SCAMP1: variants seen among roughly 807,000 people sequenced by gnomAD.
SCAMP1 encodes the protein secretory carrier membrane protein 1.
In SCAMP1, 15 loss-of-function variants were observed where a neutral mutation model predicts 41.8. That is an observed-to-expected ratio of 0.36 (90% confidence interval 0.24 to 0.55). The LOEUF (loss-of-function observed/expected upper bound fraction) is 0.55. Among genes scored for constraint, SCAMP1 ranks in the 20% least tolerant of loss-of-function variants. The pLI is 0.86. For missense variants in SCAMP1, 341 were observed against 412.6 expected (o/e 0.83, Z 1.50); for synonymous variants, 135 against 136.8 (o/e 0.99, Z 0.09).
chr5:78,388,309 G>A (rs1379140369), intron 1 of SCAMP1, among the ~76,000 whole-genome samples: 1 of 152,188 alleles, frequency 6.6e-6, no homozygotes, highest in Non-Finnish European at 1.5e-5. Context: ...ACTTGGAAAA[G>A]GGAAGACAGT....
chr5:78,424,644 C>T (rs926848496), intron 6 of SCAMP1, among the ~76,000 whole-genome samples: 3 of 151,966 alleles, frequency 2.0e-5, no homozygotes, highest in Non-Finnish European at 4.4e-5. Flanking sequence ...CGCCTGAACC[C>T]GGGAGGCAGA....
intron 8 of SCAMP1, among the ~76,000 whole-genome samples, chr5:78,468,573 G>A (rs1050569711): frequency 6.6e-6 from 1 of 152,072 alleles, no homozygotes; most frequent in African/African-American, 2.4e-5. Flanking sequence ...GATTTTGAAT[G>A]ATTATCACTT....
chr5:78,402,667 C>A (rs1411342468), intron 2 of SCAMP1, among the ~76,000 whole-genome samples: 2 of 152,078 alleles, frequency 1.3e-5, no homozygotes, highest in African/African-American at 4.8e-5. Context: ...TACTTCTAAT[C>A]CATATGTTTA....
intron 6 of SCAMP1, among the ~76,000 whole-genome samples, chr5:78,441,227 A>G (rs1178111669): frequency 6.6e-6 from 1 of 152,182 alleles, no homozygotes; most frequent in Non-Finnish European, 1.5e-5. Context: ...AACCAGTCCC[A>G]GTGAGATGAA....
At chr5:78,442,181 A>G (rs1305919796) in intron 6 of SCAMP1, among the ~76,000 whole-genome samples, 1 of 152,230 alleles carries the variant, frequency 6.6e-6, no homozygotes, top group Non-Finnish European at 1.5e-5. Context: ...GGTATTCTAG[A>G]TGTTTGAAAA....
At chr5:78,462,542 T>C (rs996925679) in intron 8 of SCAMP1, among the ~76,000 whole-genome samples, 1 of 152,206 alleles carries the variant, frequency 6.6e-6, no homozygotes, top group Non-Finnish European at 1.5e-5. Flanking sequence ...CAGTCTGGTC[T>C]GTAACTCCTG....
At chr5:78,450,545 G>A (rs1331392490) in intron 7 of SCAMP1, among the ~76,000 whole-genome samples, 2 of 152,202 alleles carry the variant, frequency 1.3e-5, no homozygotes, top group Non-Finnish European at 2.9e-5. Flanking sequence ...GGCTCATTCA[G>A]TGGGGGACCT....
chr5:78,450,952 A>G (rs371748634), intron 7 of SCAMP1, among the ~76,000 whole-genome samples: 1 of 152,232 alleles, frequency 6.6e-6, no homozygotes, highest in East Asian at 1.9e-4. Context: ...GTTCTCAGAT[A>G]AAGTAGTTTT....
intron 6 of SCAMP1, among the ~76,000 whole-genome samples, chr5:78,425,220 C>T (rs1752440161): frequency 6.6e-6 from 1 of 152,116 alleles, no homozygotes; most frequent in Non-Finnish European, 1.5e-5. Context: ...AGTACTTTCT[C>T]CCACTTTTTA....
chr5:78,377,578 A>C (rs1277073128), intron 1 of SCAMP1, among the ~76,000 whole-genome samples: 3 of 152,206 alleles, frequency 2.0e-5, no homozygotes, highest in Non-Finnish European at 4.4e-5. Context: ...GGGTCACGTG[A>C]CACAAAGATT....
intron 1 of SCAMP1, among the ~76,000 whole-genome samples, chr5:78,379,534 A>G (rs1340521385): frequency 6.6e-6 from 1 of 152,202 alleles, no homozygotes; most frequent in Non-Finnish European, 1.5e-5. Context: ...AACTCAGTTC[A>G]CTTGAGAAAA....
At chr5:78,402,913 C>T (rs1032379743) in intron 2 of SCAMP1, among the ~76,000 whole-genome samples, 2 of 152,006 alleles carry the variant, frequency 1.3e-5, no homozygotes, top group Non-Finnish European at 2.9e-5. Context: ...ACTCTGTCAC[C>T]CAGGCTGGAG....
At chr5:78,459,900 C>T (rs1753541827) in intron 8 of SCAMP1, among the ~76,000 whole-genome samples, 1 of 152,114 alleles carries the variant, frequency 6.6e-6, no homozygotes, top group South Asian at 2.1e-4. Flanking sequence ...GTTTTTCAAG[C>T]TTTGCTCTTC....
chr5:78,429,345 GTT>G (rs781320541), intron 6 of SCAMP1, among the ~76,000 whole-genome samples: 7,734 of 96,526 alleles, frequency 0.08, 357 homozygotes, highest in East Asian at 0.35. Context: ...TGTTGAGTTG[GTT>G]TTTTTTTTTT....
chr5:78,384,686 C>CT (rs35775409), intron 1 of SCAMP1, among the ~76,000 whole-genome samples: 28,603 of 151,730 alleles, frequency 0.19, 3,304 homozygotes, highest in Admixed American at 0.35. Context: ...TTGTCAAATG[C>CT]TTTTTTTTGT....
chr5:78,401,808 A>G (rs941969381), intron 2 of SCAMP1, among the ~76,000 whole-genome samples: 1 of 151,780 alleles, frequency 6.6e-6, no homozygotes, highest in Non-Finnish European at 1.5e-5. Flanking sequence ...ATTTTTTTCT[A>G]TTGATTTTCT....
chr5:78,372,874 G>T (rs4305631), intron 1 of SCAMP1, among the ~76,000 whole-genome samples: 28,369 of 152,050 alleles, frequency 0.19, 3,276 homozygotes, highest in Admixed American at 0.34. Context: ...TGCAACAAAA[G>T]ATAATCTTGC....
At chr5:78,406,158 G>A (rs1560196) in intron 2 of SCAMP1, among the ~76,000 whole-genome samples, 25 of 151,986 alleles carry the variant, frequency 1.6e-4, no homozygotes, top group Non-Finnish European at 3.7e-4. Context: ...CAAATTTTAA[G>A]GTGTCTAAGA....
At chr5:78,422,816 C>T (rs963096273) in intron 6 of SCAMP1, among the ~76,000 whole-genome samples, 4 of 151,990 alleles carry the variant, frequency 2.6e-5, no homozygotes, top group Non-Finnish European at 2.9e-5. Context: ...TTTTTTTAAA[C>T]TCATTTTTAT....
Sources: gnomAD v4.1 joint callset for allele counts (sites outside exome capture counted in the v4.1 genomes callset) on GRCh38, gnomAD v4.1.1 for gene constraint, MANE v1.5 for transcripts, NCBI Gene and HGNC (gene_info 2026-07-23, HGNC 2026-07-21) for gene names.